Variants in ULK4 observed in about 807,000 individuals in gnomAD.
ULK4 encodes the protein unc-51 like kinase 4.
Under a neutral mutation model 160.6 loss-of-function variants are expected in ULK4, and 133 were observed. That is an observed-to-expected ratio of 0.83 (90% CI 0.72 to 0.96). ULK4 has a LOEUF of 0.96. Among genes scored for constraint, ULK4 ranks in the 40% least tolerant of loss-of-function variants. The pLI is 0.00. For missense variants in ULK4, 1,580 were observed against 1,499.5 expected (o/e 1.05, Z -0.89); for synonymous variants, 534 against 539.8 (o/e 0.99, Z 0.15).
In ULK4 at chr3:41,370,950, T is replaced by C. The variant is rs537971056; in HGVS notation, c.3678+27129A>G. On this transcript the variant is annotated intron_variant, in intron 35 of 36. Transcript: ENST00000301831. ...TGAAGCTGATCCTGGATGCTCGAGCTTGGTGGGGGGAGGGGCGTACACCAT... is the reference window on the plus strand; with the variant it reads ...TGAAGCTGATCCTGGATGCTCGAGCCTGGTGGGGGGAGGGGCGTACACCAT... Among the ~76,000 whole-genome samples the C allele has an allele frequency of 1.2e-4, 19 of 152,238 alleles. No individual in the cohort carries two copies. In the East Asian group the frequency reaches 3.1e-3, roughly 25 times the overall value.
chr3:41,362,095 C>A (rs997589838), intron 35 of ULK4, among the ~76,000 whole-genome samples: 5 of 152,120 alleles, frequency 3.3e-5, no homozygotes, highest in Non-Finnish European at 5.9e-5. Context: ...CAGAAGAGCC[C>A]ACTTTTCAGT....
intron 17 of ULK4, among the ~76,000 whole-genome samples, chr3:41,836,206 T>G (rs1253837752): frequency 6.6e-6 from 1 of 151,998 alleles, no homozygotes; most frequent in Non-Finnish European, 1.5e-5. Context: ...TATAATTTTT[T>G]TTTTAACCCA....
intron 16 of ULK4, 41 bp from the exon 17 acceptor site, chr3:41,883,993 G>A: frequency 6.9e-7 from 1 of 1,443,266 alleles, no homozygotes; most frequent in Non-Finnish European, 9.8e-7. Context: ...AGAAGAGTCG[G>A]GGACCGAGGA....
chr3:41,839,453 T>C (rs1472836827), intron 17 of ULK4, among the ~76,000 whole-genome samples: 1 of 149,216 alleles, frequency 6.7e-6, no homozygotes, highest in African/African-American at 2.4e-5. Context: ...TATAATAATA[T>C]ACAATTATTT....
At chr3:41,588,397 A>G (rs1015234894) in intron 31 of ULK4, among the ~76,000 whole-genome samples, 1 of 152,200 alleles carries the variant, frequency 6.6e-6, no homozygotes, top group Non-Finnish European at 1.5e-5. Context: ...GAATTTTCAA[A>G]TTTTCACAGA....
chr3:41,773,443 C>T (rs1291401324), intron 21 of ULK4, among the ~76,000 whole-genome samples: 1 of 152,010 alleles, frequency 6.6e-6, no homozygotes, highest in Non-Finnish European at 1.5e-5. Flanking sequence ...AAACAGAGAG[C>T]CAAATCATGA....
intron 35 of ULK4, among the ~76,000 whole-genome samples, chr3:41,293,971 A>C (rs1452097727): frequency 6.6e-6 from 1 of 152,220 alleles, no homozygotes; most frequent in Non-Finnish European, 1.5e-5. Context: ...CAACATATGA[A>C]GGTGTGGAAC....
chr3:41,844,851 G>C (rs970583730), intron 17 of ULK4, among the ~76,000 whole-genome samples: 1 of 150,354 alleles, frequency 6.7e-6, no homozygotes, highest in African/African-American at 2.4e-5. Flanking sequence ...CCCAGCAATT[G>C]CACTCCTGAG....
At chr3:41,291,483 A>G (rs1434842342) in intron 35 of ULK4, among the ~76,000 whole-genome samples, 1 of 2,370 alleles carries the variant, frequency 4.2e-4, no homozygotes, top group East Asian at 4.0e-3. Flanking sequence ...GGAGAGGAGG[A>G]AAGAAGGAAG....
chr3:41,864,346 C>CTGTTT (rs10535539), intron 17 of ULK4, among the ~76,000 whole-genome samples: 4,457 of 149,780 alleles, frequency 0.03, 86 homozygotes, highest in Non-Finnish European at 0.041. Context: ...CAATTCAGAA[C>CTGTTT]TGTTTTGTTT....
At position 41,931,992 on chromosome 3, in the gene ULK4, CCCTT is replaced by C; in HGVS notation, c.389_392del (p.Glu130GlyfsTer5). ...AGTTGCTAAACTTCAGTGTGCCAGG[CCCTT>C]CCAAGAGTATCTATGAAGATCAAAT... On this transcript the variant is annotated frameshift_variant, in exon 5 of 37. Coordinates refer to ENST00000301831, the MANE Select transcript of ULK4 (RefSeq NM_017886.4). LOFTEE classifies it high-confidence loss of function. 1 of 1,613,900 alleles carries C rather than the reference CCCTT, an allele frequency of 6.2e-7. No homozygotes were observed. The highest frequency in any genetic ancestry group is 8.5e-7 in the Non-Finnish European group (1 of 1,179,916).
rs368282598 is a variant in ULK4 at position 41,304,273 on chromosome 3, C to CAAAAAAAAA, written c.3679-54708_3679-54700dup. ...GGACAATAAGAGCAAAGCTCCCCCT[C>CAAAAAAAAA]AAAAAAAAAAAAAAAAAGAGACAAC... On this transcript the variant is annotated intron_variant, in intron 35 of 36. Coordinates refer to ENST00000301831, the MANE Select transcript of ULK4 (RefSeq NM_017886.4). Among the ~76,000 whole-genome samples, 62 of 89,698 alleles carry CAAAAAAAAA rather than the reference C, an allele frequency of 6.9e-4. 2 individuals carry two copies. Among genetic ancestry groups the CAAAAAAAAA allele is most frequent in the African/African-American group, 2.4e-3 (46 of 19,572 alleles). 58.8% of individuals were successfully genotyped at this position (89,698 alleles called of 152,430 possible).
intron 35 of ULK4, among the ~76,000 whole-genome samples, chr3:41,257,043 A>AT (rs1166010825): frequency 6.6e-6 from 1 of 152,176 alleles, no homozygotes; most frequent in Non-Finnish European, 1.5e-5. Context: ...AACTCGTCAA[A>AT]TTCAATAATA....
At chr3:41,361,364 C>A (rs541769335) in intron 35 of ULK4, among the ~76,000 whole-genome samples, 3 of 152,188 alleles carry the variant, frequency 2.0e-5, no homozygotes, top group South Asian at 4.1e-4. Flanking sequence ...AGATAAAACC[C>A]AGGAAAAAAT....
chr3:41,297,578 G>A (rs991083999), intron 35 of ULK4, among the ~76,000 whole-genome samples: 8 of 152,134 alleles, frequency 5.3e-5, no homozygotes, highest in African/African-American at 1.9e-4. Context: ...AGATTTCCAG[G>A]TGCCTCCAGA....
At chr3:41,401,274 C>A (rs2082173244) in intron 34 of ULK4, among the ~76,000 whole-genome samples, 1 of 152,114 alleles carries the variant, frequency 6.6e-6, no homozygotes. Context: ...TTATATTTTA[C>A]ATCTTTAATC....
chr3:41,665,740 C>T (rs984460940), intron 29 of ULK4, among the ~76,000 whole-genome samples: 2 of 152,042 alleles, frequency 1.3e-5, no homozygotes, highest in African/African-American at 2.4e-5. Flanking sequence ...TAAAATCTAA[C>T]GTCTACTTAA....
intron 34 of ULK4, among the ~76,000 whole-genome samples, chr3:41,413,003 A>G (rs1440126045): frequency 2.6e-5 from 4 of 152,220 alleles, no homozygotes; most frequent in Non-Finnish European, 5.9e-5. Context: ...AACACATACC[A>G]GAGATTGGGT....
At chr3:41,937,527 G>T (rs1460712870) in intron 3 of ULK4, among the ~76,000 whole-genome samples, 1 of 149,634 alleles carries the variant, frequency 6.7e-6, no homozygotes, top group South Asian at 2.1e-4. Flanking sequence ...CCTATTAATA[G>T]TTAATAGTAG....
Sources: gnomAD v4.1 joint callset for allele counts (sites outside exome capture counted in the v4.1 genomes callset) on GRCh38, gnomAD v4.1.1 for gene constraint, MANE v1.5 for transcripts, NCBI Gene and HGNC (gene_info 2026-07-23, HGNC 2026-07-21) for gene names.